Variants in CHCHD6 observed in about 807,000 individuals in gnomAD.
The protein encoded by CHCHD6 is coiled-coil-helix-coiled-coil-helix domain containing 6, also known as MICOS complex subunit MIC25.
In CHCHD6, 28 loss-of-function variants were observed where a neutral mutation model predicts 32.3. The observed-to-expected ratio is 0.87, with a 90% CI of 0.64 to 1.19. The LOEUF is 1.19. Ranked by LOEUF, CHCHD6 falls within the 50% of genes most tolerant of loss-of-function variation. The probability of loss-of-function intolerance (pLI) is 0.00; values close to 1 mark genes in which losing one functional copy is unlikely to be tolerated. For missense variants in CHCHD6, 333 were observed against 307.0 expected (o/e 1.08, Z -0.63); for synonymous variants, 122 against 117.5 (o/e 1.04, Z -0.25).
At chr3:126,917,731 T>C (rs1471653339) in intron 6 of CHCHD6, among the ~76,000 whole-genome samples, 2 of 152,144 alleles carry the variant, frequency 1.3e-5, no homozygotes, top group Non-Finnish European at 2.9e-5. Context: ...TGCAAGGTGA[T>C]TAGATCATGG....
intron 4 of CHCHD6, among the ~76,000 whole-genome samples, chr3:126,807,992 C>T (rs1169305865): frequency 6.6e-6 from 1 of 152,188 alleles, no homozygotes; most frequent in Non-Finnish European, 1.5e-5. Context: ...CCAGGTCAGG[C>T]CCTGTGTTTC....
intron 5 of CHCHD6, among the ~76,000 whole-genome samples, chr3:126,866,951 GT>G (rs1231953894): frequency 6.6e-6 from 1 of 152,146 alleles, no homozygotes; most frequent in Non-Finnish European, 1.5e-5. Flanking sequence ...GAGTTTTGGG[GT>G]TTTTTGTTTG....
intron 4 of CHCHD6, among the ~76,000 whole-genome samples, chr3:126,763,440 C>T (rs1175431092): frequency 1.3e-5 from 2 of 152,058 alleles, no homozygotes; most frequent in African/African-American, 4.8e-5. Context: ...AAGCCTGCCT[C>T]AGCCTCCTAA....
intron 4 of CHCHD6, among the ~76,000 whole-genome samples, chr3:126,740,616 C>T (rs1342684505): frequency 6.6e-6 from 1 of 152,146 alleles, no homozygotes; most frequent in African/African-American, 2.4e-5. Context: ...CAGGGGTCCA[C>T]ACACTGGGTA....
intron 4 of CHCHD6, among the ~76,000 whole-genome samples, chr3:126,742,547 TG>T (rs1474884049): frequency 1.3e-5 from 2 of 152,202 alleles, no homozygotes; most frequent in Admixed American, 6.5e-5. Flanking sequence ...GAGAGGTGAT[TG>T]GGTCATGAGG....
chr3:126,952,736 T>G (rs1025671607), intron 6 of CHCHD6, among the ~76,000 whole-genome samples: 1 of 152,112 alleles, frequency 6.6e-6, no homozygotes, highest in African/African-American at 2.4e-5. Context: ...GAATGTGTTT[T>G]GGATGGAGTG....
At chr3:126,879,498 C>T (rs748299910) in intron 5 of CHCHD6, among the ~76,000 whole-genome samples, 3 of 152,176 alleles carry the variant, frequency 2.0e-5, no homozygotes, top group African/African-American at 7.2e-5. Context: ...TCTTTCAAGT[C>T]TATATTGAAG....
At chr3:126,727,261 C>A in intron 2 of CHCHD6, 75 bp downstream of exon 2, 1 of 1,037,772 alleles carries the variant, frequency 9.6e-7, no homozygotes, top group Non-Finnish European at 1.5e-6. Flanking sequence ...CCGAGCCCAC[C>A]TGATGGCGCA....
rs182755447 is a variant in CHCHD6 at position 126,783,276 on chromosome 3, C to T, written c.411+50054C>T. On this transcript the variant is annotated intron_variant, in intron 4 of 7. Transcript: ENST00000290913. ...TTCAACATCCTTTCATGATAAAAAT[C>T]GTCAGCATTCATATAGAAGAAATGT... is the stretch of plus-strand genomic sequence containing the variant. Among the ~76,000 whole-genome samples, 305 of 152,232 alleles carry T rather than the reference C, an allele frequency of 2.0e-3. 2 individuals are homozygous for T. Among genetic ancestry groups the T allele is most frequent in the Non-Finnish European group, 3.7e-3 (250 of 68,020 alleles).
At chr3:126,945,167 G>A (rs1576634861) in intron 6 of CHCHD6, among the ~76,000 whole-genome samples, 2 of 152,060 alleles carry the variant, frequency 1.3e-5, no homozygotes, top group Admixed American at 6.5e-5. Context: ...GCAGGCACGG[G>A]CGGCTCTTGT....
At chr3:126,877,415 C>T (rs535341717) in intron 5 of CHCHD6, among the ~76,000 whole-genome samples, 3 of 152,120 alleles carry the variant, frequency 2.0e-5, no homozygotes, top group East Asian at 1.9e-4. Flanking sequence ...ATTAGCTGGG[C>T]GTGGTTGTAG....
rs145731930 is a variant in CHCHD6 at position 126,878,218 on chromosome 3, G to A, written c.495+25488G>A. ...GTCTATTTTTCCCAGCTTTGTTCCC[G>A]GAAAGAACACTGAAAGTGAAGACAC... On this transcript the variant is annotated intron_variant, in intron 5 of 7. Coordinates refer to ENST00000290913, the MANE Select transcript of CHCHD6 (RefSeq NM_032343.3). 7.9e-4 allele frequency among the ~76,000 whole-genome samples: 120 copies of A among 152,280 alleles called. 2 individuals are homozygous for A. The highest frequency in any genetic ancestry group is 2.8e-3 in the African/African-American group (118 of 41,554).
intron 4 of CHCHD6, among the ~76,000 whole-genome samples, chr3:126,840,011 CTA>C (rs961504320): frequency 3.3e-5 from 5 of 152,222 alleles, no homozygotes; most frequent in South Asian, 4.1e-4. Flanking sequence ...TTTTCTATCT[CTA>C]TGTGTTTGCC....
chr3:126,758,403 C>CAG (rs1287028429), intron 4 of CHCHD6, among the ~76,000 whole-genome samples: 2 of 152,236 alleles, frequency 1.3e-5, no homozygotes, highest in African/African-American at 4.8e-5. Context: ...TCATTTCTCA[C>CAG]AGCAAATCAA....
chr3:126,845,988 A>C (rs968233879), intron 4 of CHCHD6, among the ~76,000 whole-genome samples: 1 of 152,170 alleles, frequency 6.6e-6, no homozygotes, highest in Non-Finnish European at 1.5e-5. Flanking sequence ...TGAGTAAGAA[A>C]AGTGAGCTTT....
chr3:126,936,866 T>C (rs1451124965), intron 6 of CHCHD6, among the ~76,000 whole-genome samples: 2 of 152,260 alleles, frequency 1.3e-5, no homozygotes, highest in African/African-American at 2.4e-5. Flanking sequence ...CTTTTTACTT[T>C]TAATGTGGCT....
At chr3:126,889,686 A>G (rs1037571158) in intron 5 of CHCHD6, among the ~76,000 whole-genome samples, 5 of 152,232 alleles carry the variant, frequency 3.3e-5, no homozygotes, top group Admixed American at 2.0e-4. Flanking sequence ...GTATTCTTGT[A>G]TACCGCCACT....
intron 4 of CHCHD6, among the ~76,000 whole-genome samples, chr3:126,764,121 A>G (rs1242984082): frequency 6.7e-6 from 1 of 150,326 alleles, no homozygotes; most frequent in African/African-American, 2.4e-5. Context: ...CTAGACAATT[A>G]TATCATTTAT....
intron 4 of CHCHD6, among the ~76,000 whole-genome samples, chr3:126,769,704 C>T (rs1333737360): frequency 2.6e-5 from 4 of 152,056 alleles, no homozygotes; most frequent in Admixed American, 1.3e-4. Context: ...TGGGGTTTTG[C>T]CATGTTGGCC....
Sources: allele counts gnomAD v4.1 joint callset (sites outside exome capture counted in the v4.1 genomes callset), GRCh38; gene constraint gnomAD v4.1.1; transcripts MANE v1.5; gene names NCBI Gene and HGNC (gene_info 2026-07-23, HGNC 2026-07-21).